The following ENOPH1 variants were observed in gnomAD, a reference collection of about 807,000 sequenced individuals.
ENOPH1 encodes the protein enolase-phosphatase 1, also known as enolase-phosphatase E1.
A neutral mutation model predicts 31.1 loss-of-function variants in ENOPH1; 14 were observed. That is an observed-to-expected ratio of 0.45 (90% CI 0.30 to 0.70). The LOEUF (loss-of-function observed/expected upper bound fraction) is 0.70. Among genes scored for constraint, ENOPH1 ranks in the 30% least tolerant of loss-of-function variants. The pLI is 0.09. For synonymous variants in ENOPH1, 127 were observed against 123.2 expected, an observed-to-expected ratio of 1.03 and a Z score of -0.21; for missense variants, 243 against 321.5, an observed-to-expected ratio of 0.76 and a Z score of 1.87.
At chr4:82,458,151 C>A (rs1461947487) in intron 5 of ENOPH1, among the ~76,000 whole-genome samples, 1 of 152,134 alleles carries the variant, frequency 6.6e-6, no homozygotes, top group Non-Finnish European at 1.5e-5. Context: ...TCTCTCTGGT[C>A]CTGTTTTGGT....
chr4:82,442,811 C>T (rs779044964), intron 1 of ENOPH1, among the ~76,000 whole-genome samples: 2 of 152,096 alleles, frequency 1.3e-5, no homozygotes, highest in East Asian at 1.9e-4. Flanking sequence ...ATTTAGGAAC[C>T]ATCAAGCCAG....
intron 3 of ENOPH1, among the ~76,000 whole-genome samples, chr4:82,453,649 G>T (rs1722410144): frequency 6.6e-6 from 1 of 152,206 alleles, no homozygotes; most frequent in Non-Finnish European, 1.5e-5. Flanking sequence ...TAAAGCGGAA[G>T]ACTCCACTGA....
At chr4:82,441,429 T>A (rs985803514) in intron 1 of ENOPH1, among the ~76,000 whole-genome samples, 10 of 152,224 alleles carry the variant, frequency 6.6e-5, no homozygotes, top group Non-Finnish European at 1.3e-4. Context: ...GAGACCATCC[T>A]GTTTAACACG....
intron 1 of ENOPH1, among the ~76,000 whole-genome samples, chr4:82,433,498 T>C (rs1032828914): frequency 6.6e-6 from 1 of 152,208 alleles, no homozygotes; most frequent in African/African-American, 2.4e-5. Flanking sequence ...CTATTGTTAT[T>C]AATATTGTTA....
At chr4:82,452,224 C>A (rs1410516909) in intron 3 of ENOPH1, among the ~76,000 whole-genome samples, 1 of 152,142 alleles carries the variant, frequency 6.6e-6, no homozygotes, top group Non-Finnish European at 1.5e-5. Flanking sequence ...CACCACCACA[C>A]CTGGCTATTC....
chr4:82,455,250 G>A (rs994154324), intron 4 of ENOPH1, among the ~76,000 whole-genome samples: 4 of 152,136 alleles, frequency 2.6e-5, no homozygotes, highest in African/African-American at 9.7e-5. Flanking sequence ...TAATAAGGTC[G>A]TCACCTGTTG....
intron 2 of ENOPH1, among the ~76,000 whole-genome samples, chr4:82,450,119 GT>G (rs1223255105): frequency 2.0e-5 from 3 of 152,194 alleles, no homozygotes; most frequent in African/African-American, 4.8e-5. Flanking sequence ...TCAAAATGTA[GT>G]TATGTCCTTT....
intron 1 of ENOPH1, among the ~76,000 whole-genome samples, chr4:82,439,013 C>G (rs998984475): frequency 5.3e-5 from 8 of 152,154 alleles, no homozygotes; most frequent in African/African-American, 1.9e-4. Flanking sequence ...CTGCCCTAAT[C>G]CTATTGCACC....
chr4:82,447,509 ATC>A (rs1444730825), intron 1 of ENOPH1, among the ~76,000 whole-genome samples: 21 of 152,344 alleles, frequency 1.4e-4, no homozygotes, highest in Middle Eastern at 6.8e-3. Flanking sequence ...TGGTCTGGCC[ATC>A]TAGTTCTGTA....
chr4:82,454,313 T>C (rs1282506606), intron 3 of ENOPH1, among the ~76,000 whole-genome samples: 1 of 152,220 alleles, frequency 6.6e-6, no homozygotes, highest in Non-Finnish European at 1.5e-5. Context: ...TCTAAAAGCA[T>C]TTCCATGCTT....
intron 5 of ENOPH1, among the ~76,000 whole-genome samples, 199 bp downstream of exon 5, chr4:82,457,237 T>G (rs983136049): frequency 1.3e-5 from 2 of 150,124 alleles, no homozygotes; most frequent in African/African-American, 4.9e-5. Flanking sequence ...GAAGGCAGGC[T>G]TGGTGGCTCA....
intron 3 of ENOPH1, 115 bp downstream of exon 3, chr4:82,451,360 C>T: frequency 9.8e-7 from 1 of 1,020,138 alleles, no homozygotes; most frequent in South Asian, 1.6e-5. Context: ...TAAAAATCCA[C>T]ACTCTTTTTA....
At chr4:82,452,664 G>A (rs1181371980) in intron 3 of ENOPH1, among the ~76,000 whole-genome samples, 1 of 152,004 alleles carries the variant, frequency 6.6e-6, no homozygotes, top group Non-Finnish European at 1.5e-5. Flanking sequence ...TTAGCTCACT[G>A]CAACCTCCGC....
At chr4:82,438,606 T>C (rs2110038236) in intron 1 of ENOPH1, among the ~76,000 whole-genome samples, 2 of 152,308 alleles carry the variant, frequency 1.3e-5, no homozygotes, top group South Asian at 4.1e-4. Context: ...TGAGGTGTGA[T>C]TGTGCCACTG....
At chr4:82,449,993 C>T (rs551483678) in intron 2 of ENOPH1, among the ~76,000 whole-genome samples, 11 of 152,250 alleles carry the variant, frequency 7.2e-5, no homozygotes, top group African/African-American at 2.2e-4. Flanking sequence ...AAAATTGCTT[C>T]AGTGGCAAAG....
At chr4:82,448,251 G>T (rs1578099376) in intron 2 of ENOPH1, among the ~76,000 whole-genome samples, 1 of 148,942 alleles carries the variant, frequency 6.7e-6, no homozygotes, top group Non-Finnish European at 1.5e-5. Flanking sequence ...TTTTTGTTTT[G>T]TTTTGTTTTG....
intron 1 of ENOPH1, among the ~76,000 whole-genome samples, chr4:82,443,203 G>GAGGCTGGCAGATCACGAGGTCAGGAGAT (rs1722086378): frequency 6.6e-6 from 1 of 152,082 alleles, no homozygotes. Context: ...TTGGGAGGCC[G>GAGGCTGGCAGATCACGAGGTCAGGAGAT]CGATGGGATG....
chr4:82,460,135 G>A lies in ENOPH1; in HGVS notation c.*15G>A, dbSNP rs761364079. ...CCTCAACCTAGAGAAGGGTTGTTAA[G>A]GCAGACCGCCCTGTTCCCCAGAGTT... On this transcript the variant is annotated 3_prime_UTR_variant, in exon 6 of 6. Coordinates refer to ENST00000273920, the MANE Select transcript of ENOPH1 (RefSeq NM_021204.5). The A allele has an allele frequency of 6.2e-7, 1 of 1,614,056 alleles. No homozygotes were observed. Among genetic ancestry groups the A allele is most frequent in the South Asian group, 1.1e-5 (1 of 91,080 alleles).
At chr4:82,450,909 TATG>T (rs1722329034) in intron 2 of ENOPH1, 131 bp from the exon 3 acceptor site, 3 of 648,208 alleles carry the variant, frequency 4.6e-6, no homozygotes, top group Non-Finnish European at 8.2e-6. Flanking sequence ...CTCCAAAGTA[TATG>T]ATGTTTCAAT....
Sources: gnomAD v4.1 joint callset for allele counts (sites outside exome capture counted in the v4.1 genomes callset) on GRCh38, gnomAD v4.1.1 for gene constraint, MANE v1.5 for transcripts, NCBI Gene and HGNC (gene_info 2026-07-23, HGNC 2026-07-21) for gene names.